The following MRTFB variants were observed in gnomAD, a reference collection of about 807,000 sequenced individuals.
MRTFB encodes myocardin-related transcription factor B.
Under a neutral mutation model 104.2 loss-of-function variants are expected in MRTFB, and 29 were observed. That is an observed-to-expected ratio of 0.28 (90% CI 0.21 to 0.38). The LOEUF (loss-of-function observed/expected upper bound fraction) is 0.38. MRTFB is among the 10% of genes least tolerant of loss of function. MRTFB has a pLI of 1.00. For synonymous variants in MRTFB, 535 were observed against 519.5 expected, an observed-to-expected ratio of 1.03 and a Z score of -0.41; for missense variants, 1,270 against 1,341.6, an observed-to-expected ratio of 0.95 and a Z score of 0.83.
chr16:14,000,446 G>T, the MRTFB span, among the ~76,000 whole-genome samples: 1 of 152,230 alleles, frequency 6.6e-6, no homozygotes, highest in Admixed American at 6.5e-5. Flanking sequence ...GCTCAGTGAG[G>T]TGAGTGAGTC....
intron 15 of MRTFB, among the ~76,000 whole-genome samples, chr16:14,256,191 TA>T (rs2043480869): frequency 2.2e-5 from 1 of 45,020 alleles, no homozygotes; most frequent in Admixed American, 1.9e-4. Flanking sequence ...AAAAACAGGA[TA>T]ACAAAAAAAA....
chr16:14,243,023 G>A (rs538412520), intron 10 of MRTFB, among the ~76,000 whole-genome samples: 2 of 152,274 alleles, frequency 1.3e-5, no homozygotes, highest in Admixed American at 6.5e-5. Context: ...TCTCTGTGGT[G>A]TTGAAACTTC....
At chr16:14,016,383 G>A in the MRTFB span, among the ~76,000 whole-genome samples, 2 of 143,464 alleles carry the variant, frequency 1.4e-5, no homozygotes, top group Non-Finnish European at 3.1e-5. Context: ...TTTTTTTTAG[G>A]TGGGTCCCAC....
chr16:14,125,976 A>G (rs1488434212), intron 2 of MRTFB, among the ~76,000 whole-genome samples: 2 of 152,214 alleles, frequency 1.3e-5, no homozygotes, highest in African/African-American at 2.4e-5. Flanking sequence ...ACTTTCAAGG[A>G]CTACACTCAA....
chr16:14,098,593 C>T (rs956657905), intron 2 of MRTFB, among the ~76,000 whole-genome samples: 2 of 152,014 alleles, frequency 1.3e-5, no homozygotes, highest in Non-Finnish European at 1.5e-5. Context: ...TTATTTTATG[C>T]ATTGTGTTTT....
intron 3 of MRTFB, among the ~76,000 whole-genome samples, chr16:14,184,473 C>T (rs1346226818): frequency 6.6e-6 from 1 of 152,130 alleles, no homozygotes; most frequent in Non-Finnish European, 1.5e-5. Context: ...TCGCCCACCT[C>T]GGCCTACCAA....
intron 3 of MRTFB, among the ~76,000 whole-genome samples, chr16:14,203,648 A>G (rs779408338): frequency 3.9e-4 from 59 of 151,834 alleles, no homozygotes; most frequent in Admixed American, 1.6e-3. Context: ...TTAAAAATAC[A>G]ACAGATTAGC....
At chr16:14,140,424 A>T (rs574743713) in intron 2 of MRTFB, 120 bp from the exon 3 acceptor site, 1 of 630,184 alleles carries the variant, frequency 1.6e-6, no homozygotes, top group East Asian at 2.8e-5. Context: ...GGGTAAATGG[A>T]TTAGTATGAC....
intron 6 of MRTFB, among the ~76,000 whole-genome samples, chr16:14,216,218 GTCTA>G (rs774923289): frequency 7.9e-5 from 12 of 152,180 alleles, no homozygotes; most frequent in Non-Finnish European, 1.3e-4. Context: ...CACAAGAATA[GTCTA>G]TTAATACCTA....
chr16:14,120,024 C>G (rs563889224), intron 2 of MRTFB, among the ~76,000 whole-genome samples: 2 of 152,254 alleles, frequency 1.3e-5, no homozygotes, highest in South Asian at 4.2e-4. Context: ...AAATTTTTGC[C>G]AATGTGAAAT....
intron 1 of MRTFB, among the ~76,000 whole-genome samples, chr16:14,073,093 T>G (rs900543270): frequency 1.4e-4 from 21 of 152,354 alleles, no homozygotes; most frequent in Middle Eastern, 3.4e-3. Flanking sequence ...CAGTTTTCCC[T>G]TACTCTATTT....
chr16:14,068,123 C>G (rs901081255), upstream of MRTFB, among the ~76,000 whole-genome samples: 6 of 152,302 alleles, frequency 3.9e-5, no homozygotes, highest in African/African-American at 9.6e-5. Flanking sequence ...TGAGCCACCA[C>G]AGCTGGCCTA....
chr16:14,118,695 T>C (rs984011233), intron 2 of MRTFB, among the ~76,000 whole-genome samples: 2 of 151,484 alleles, frequency 1.3e-5, no homozygotes, highest in Non-Finnish European at 1.5e-5. Context: ...ACTATTGATA[T>C]ATACATATAT....
At chr16:14,197,390 T>C (rs2040487618) in intron 3 of MRTFB, among the ~76,000 whole-genome samples, 1 of 152,196 alleles carries the variant, frequency 6.6e-6, no homozygotes, top group African/African-American at 2.4e-5. Flanking sequence ...TTTTAGTCTT[T>C]TACCCTTCAG....
At chr16:14,234,082 C>G in intron 8 of MRTFB, 64 bp from the exon 9 acceptor site, 1 of 1,572,846 alleles carries the variant, frequency 6.4e-7, no homozygotes, top group Non-Finnish European at 8.7e-7. Flanking sequence ...CCTTGTAATT[C>G]TAATTTTTCT....
chr16:14,206,960 C>T (rs1447310627), intron 3 of MRTFB, among the ~76,000 whole-genome samples: 2 of 151,884 alleles, frequency 1.3e-5, no homozygotes, highest in Non-Finnish European at 2.9e-5. Flanking sequence ...AATCAACATA[C>T]TTAACAAAAT....
At chr16:14,120,787 G>T (rs1209719739) in intron 2 of MRTFB, among the ~76,000 whole-genome samples, 3 of 152,152 alleles carry the variant, frequency 2.0e-5, no homozygotes, top group African/African-American at 7.2e-5. Context: ...GTGGGTGGTT[G>T]TGCTAGGAAA....
intron 3 of MRTFB, among the ~76,000 whole-genome samples, chr16:14,163,015 A>C (rs1459303974): frequency 6.6e-6 from 1 of 152,196 alleles, no homozygotes; most frequent in African/African-American, 2.4e-5. Context: ...TTGATTCCCA[A>C]AAACATCAAC....
chr16:14,055,519 T>G, the MRTFB span, among the ~76,000 whole-genome samples: 2 of 152,190 alleles, frequency 1.3e-5, no homozygotes, highest in African/African-American at 4.8e-5. Context: ...CTCTGACAAT[T>G]CTTCAGCCTT....
Sources: gnomAD v4.1 joint callset for allele counts (sites outside exome capture counted in the v4.1 genomes callset) on GRCh38, gnomAD v4.1.1 for gene constraint, MANE v1.5 for transcripts, NCBI Gene and HGNC (gene_info 2026-07-23, HGNC 2026-07-21) for gene names.